The following EYS variants were observed in gnomAD, a reference collection of about 807,000 sequenced individuals.
EYS encodes the protein protein eyes shut homolog.
A neutral mutation model predicts 282.1 loss-of-function variants in EYS; 250 were observed. The observed-to-expected ratio is 0.89, with a 90% CI of 0.80 to 0.98. EYS has a LOEUF of 0.98. Among genes scored for constraint, EYS ranks in the 50% least tolerant of loss-of-function variants. EYS has a pLI of 0.00. For synonymous variants in EYS, 1,355 were observed against 1,282.9 expected (o/e 1.06, Z -1.20); for missense variants, 4,016 against 3,709.0 (o/e 1.08, Z -2.15).
intron 13 of EYS, among the ~76,000 whole-genome samples, chr6:65,038,576 A>C (rs1772838373): frequency 6.6e-6 from 1 of 151,392 alleles, no homozygotes. Context: ...CAATATTTTC[A>C]TTTCACTTGT....
intron 5 of EYS, among the ~76,000 whole-genome samples, chr6:65,416,751 T>TTTTTAGGTAC (rs750981180): frequency 2.9e-4 from 44 of 151,994 alleles, no homozygotes; most frequent in Non-Finnish European, 6.0e-4. Context: ...CTCAAGTTCG[T>TTTTTAGGTAC]TTTAGTCTAC....
At chr6:64,600,225 C>T (rs868218694) in intron 24 of EYS, among the ~76,000 whole-genome samples, 7 of 140,392 alleles carry the variant, frequency 5.0e-5, no homozygotes, top group African/African-American at 1.6e-4. Context: ...ATTTTCAGCT[C>T]TCTTTTTTTT....
intron 14 of EYS, among the ~76,000 whole-genome samples, chr6:64,994,755 A>G (rs1771189258): frequency 6.6e-6 from 1 of 152,166 alleles, no homozygotes; most frequent in Admixed American, 6.6e-5. Context: ...GGCTCTTTTT[A>G]TATGACTTAG....
chr6:64,702,310 T>C (rs1770820762), intron 22 of EYS, among the ~76,000 whole-genome samples: 1 of 152,096 alleles, frequency 6.6e-6, no homozygotes, highest in Admixed American at 6.6e-5. Flanking sequence ...CTCAGTTTTC[T>C]AAGTTAAAAG....
At chr6:63,747,313 T>A (rs933547585) in intron 41 of EYS, among the ~76,000 whole-genome samples, 1 of 152,216 alleles carries the variant, frequency 6.6e-6, no homozygotes, top group Non-Finnish European at 1.5e-5. Context: ...TCTGAGAGAC[T>A]GCTTGTTAAG....
At chr6:63,938,233 C>T (rs1455380800) in intron 35 of EYS, among the ~76,000 whole-genome samples, 1 of 152,150 alleles carries the variant, frequency 6.6e-6, no homozygotes, top group Non-Finnish European at 1.5e-5. Context: ...TTGCTGGTCT[C>T]GTATGGTGAT....
rs577981669 is a variant in EYS, at chr6:64,973,310, CA to C, written c.2259+24271del. 6.0e-4 allele frequency among the ~76,000 whole-genome samples: 92 copies of C among 152,092 alleles called. 2 individuals are homozygous for C. The highest frequency in any genetic ancestry group is 5.4e-3 in the South Asian group (26 of 4,824). On this transcript the variant is annotated intron_variant, in intron 14 of 42. Coordinates refer to ENST00000503581, the MANE Select transcript of EYS (RefSeq NM_001142800.2). Reference sequence around the variant, plus strand: ...AGGCACTAGCCACTGGGCAAATAATCAATAAGCTATATCACATCATTACTCT... The same window carrying C: ...AGGCACTAGCCACTGGGCAAATAATCATAAGCTATATCACATCATTACTCT...
At chr6:65,470,682 GA>G (rs1765177426) in intron 5 of EYS, among the ~76,000 whole-genome samples, 1 of 152,156 alleles carries the variant, frequency 6.6e-6, no homozygotes, top group Non-Finnish European at 1.5e-5. Context: ...TGAGCTGACA[GA>G]AAGACTGATG....
At chr6:65,190,897 C>T (rs1376598507) in intron 12 of EYS, among the ~76,000 whole-genome samples, 2 of 151,738 alleles carry the variant, frequency 1.3e-5, no homozygotes, top group Non-Finnish European at 2.9e-5. Context: ...TACAAAAATT[C>T]TAGGAACTTT....
At chr6:64,126,079 G>A (rs1230383003) in intron 31 of EYS, among the ~76,000 whole-genome samples, 1 of 151,956 alleles carries the variant, frequency 6.6e-6, no homozygotes, top group African/African-American at 2.4e-5. Flanking sequence ...ACTAGTTGCT[G>A]GTGGGATTGT....
intron 22 of EYS, among the ~76,000 whole-genome samples, chr6:64,708,319 T>G (rs1562147420): frequency 6.6e-6 from 1 of 152,216 alleles, no homozygotes; most frequent in Non-Finnish European, 1.5e-5. Context: ...AGCAACCTAT[T>G]CTGATATTCA....
intron 22 of EYS, among the ~76,000 whole-genome samples, chr6:64,717,253 G>C (rs1222961721): frequency 6.6e-6 from 1 of 152,160 alleles, no homozygotes; most frequent in Non-Finnish European, 1.5e-5. Context: ...GTCACTAATA[G>C]GGATTTGATA....
At chr6:65,323,655 AG>A (rs1414240503) in intron 11 of EYS, among the ~76,000 whole-genome samples, 1 of 116,758 alleles carries the variant, frequency 8.6e-6, no homozygotes, top group African/African-American at 3.3e-5. Flanking sequence ...AAAGTAGCCC[AG>A]CTGCTAAAAG....
At chr6:65,481,835 G>T (rs534908568) in intron 5 of EYS, among the ~76,000 whole-genome samples, 3 of 152,226 alleles carry the variant, frequency 2.0e-5, no homozygotes, top group East Asian at 1.9e-4. Flanking sequence ...CTCCCAAACT[G>T]CTGGGATTAC....
intron 31 of EYS, among the ~76,000 whole-genome samples, chr6:64,149,881 C>A (rs1258765037): frequency 1.3e-5 from 2 of 152,178 alleles, no homozygotes; most frequent in Non-Finnish European, 2.9e-5. Context: ...ATTTTCTCCT[C>A]TGAATAATTA....
chr6:64,771,376 G>A (rs1734230844), intron 22 of EYS, among the ~76,000 whole-genome samples: 1 of 151,478 alleles, frequency 6.6e-6, no homozygotes. Context: ...ATATGTTGAT[G>A]TTCCTGTATT....
At chr6:63,976,964 G>T (rs969068903) in intron 35 of EYS, among the ~76,000 whole-genome samples, 14 of 151,758 alleles carry the variant, frequency 9.2e-5, no homozygotes, top group Non-Finnish European at 2.1e-4. Flanking sequence ...AATATTTGGA[G>T]ATTCAGGTCT....
chr6:64,609,077 T>G (rs1767025231), intron 24 of EYS, among the ~76,000 whole-genome samples: 1 of 152,142 alleles, frequency 6.6e-6, no homozygotes, highest in African/African-American at 2.4e-5. Flanking sequence ...TAATATAGAT[T>G]TATTGATTGT....
Position 64,409,780 on chromosome 6 carries a change from A to T in EYS, c.5928-20940T>A, listed in dbSNP as rs1022884701. On this transcript the variant is annotated intron_variant, in intron 28 of 42. Coordinates refer to ENST00000503581, the MANE Select transcript of EYS (RefSeq NM_001142800.2). Reference sequence around the variant, plus strand: ...ACACACACTATGGTAATTTGTTGATATATCAATTTATGTTGATAGGTCTAT... The same window carrying T: ...ACACACACTATGGTAATTTGTTGATTTATCAATTTATGTTGATAGGTCTAT... Among the ~76,000 whole-genome samples the T allele has an allele frequency of 2.6e-5, 4 of 152,178 alleles. No homozygotes were observed. In the South Asian group the frequency reaches 6.2e-4, roughly 24 times the overall value.
Sources: gnomAD v4.1 joint callset for allele counts (sites outside exome capture counted in the v4.1 genomes callset) on GRCh38, gnomAD v4.1.1 for gene constraint, MANE v1.5 for transcripts, NCBI Gene and HGNC (gene_info 2026-07-23, HGNC 2026-07-21) for gene names.